Variants in DIP2C observed in about 807,000 individuals in gnomAD.
The protein encoded by DIP2C is DIP2 acetate--CoA ligase C (putative).
In DIP2C, 33 loss-of-function variants were observed where a neutral mutation model predicts 192.4. That is an observed-to-expected ratio of 0.17 (90% CI 0.13 to 0.23). The LOEUF (loss-of-function observed/expected upper bound fraction) is 0.23, where lower values mean the gene tolerates loss of function less well. Among genes scored for constraint, DIP2C ranks in the 10% least tolerant of loss-of-function variants. The probability of loss-of-function intolerance (pLI) is 1.00; values close to 1 mark genes in which losing one functional copy is unlikely to be tolerated. For missense variants in DIP2C, 1,537 were observed against 2,110.1 expected (o/e 0.73, Z 5.32); for synonymous variants, 979 against 864.1 (o/e 1.13, Z -2.33).
chr10:615,857 C>T (rs978612344), intron 1 of DIP2C, among the ~76,000 whole-genome samples: 1 of 152,142 alleles, frequency 6.6e-6, no homozygotes, highest in Non-Finnish European at 1.5e-5. Context: ...CTTTAGGAAA[C>T]GACACGCAGC....
At chr10:580,456 T>G (rs915822646) in intron 1 of DIP2C, among the ~76,000 whole-genome samples, 1 of 152,218 alleles carries the variant, frequency 6.6e-6, no homozygotes, top group African/African-American at 2.4e-5. Context: ...CATGCATGTA[T>G]GTACACATAT....
intron 3 of DIP2C, among the ~76,000 whole-genome samples, chr10:447,363 A>G (rs1284349834): frequency 2.2e-5 from 3 of 134,972 alleles, no homozygotes; most frequent in East Asian, 2.2e-4. Flanking sequence ...AGCAGGACCC[A>G]CTCACCCCTG....
rs114625046 is a variant in DIP2C, at chr10:320,559, C to T, written c.3924+6447G>A. Among the ~76,000 whole-genome samples, 1,457 of 151,346 alleles carry T rather than the reference C, an allele frequency of 9.6e-3. 21 individuals are homozygous for T. The highest frequency in any genetic ancestry group is 0.033 in the African/African-American group (1,370 of 41,154). ...CAGTACTTTGACAAAATGTATCCAA[C>T]ATCCAGAAGTGACTGTGATGATGTG... On this transcript the variant is annotated intron_variant, in intron 31 of 36. Coordinates refer to ENST00000280886, the MANE Select transcript of DIP2C (RefSeq NM_014974.3).
intron 2 of DIP2C, among the ~76,000 whole-genome samples, chr10:477,739 G>A (rs1396044881): frequency 8.4e-6 from 1 of 119,200 alleles, no homozygotes; most frequent in Non-Finnish European, 1.8e-5. Context: ...AGGAAAGAAA[G>A]AACGAGAAAG....
chr10:618,543 G>A, intron 1 of DIP2C, among the ~76,000 whole-genome samples: 1 of 152,188 alleles, frequency 6.6e-6, no homozygotes, highest in South Asian at 2.1e-4. Flanking sequence ...GTCCACGCCA[G>A]GTGACGGTGG....
intron 1 of DIP2C, among the ~76,000 whole-genome samples, chr10:496,643 C>T (rs896039033): frequency 4.6e-5 from 7 of 151,632 alleles, no homozygotes; most frequent in Non-Finnish European, 1.0e-4. Context: ...GCTGAGTGCA[C>T]AGAACCCACA....
intron 1 of DIP2C, among the ~76,000 whole-genome samples, chr10:577,304 C>T (rs991066988): frequency 6.6e-6 from 1 of 152,070 alleles, no homozygotes; most frequent in African/African-American, 2.4e-5. Context: ...TAGCGATTAG[C>T]AAAAATTTAG....
intron 36 of DIP2C, among the ~76,000 whole-genome samples, chr10:278,191 G>A (rs1206824172): frequency 1.3e-5 from 2 of 151,356 alleles, no homozygotes; most frequent in South Asian, 2.1e-4. Context: ...GACGCCTAGG[G>A]CATGGGTGCC....
At chr10:596,630 A>G (rs1390163046) in intron 1 of DIP2C, among the ~76,000 whole-genome samples, 1 of 152,020 alleles carries the variant, frequency 6.6e-6, no homozygotes, top group Non-Finnish European at 1.5e-5. Context: ...GGTGAATAGG[A>G]CACAGTTCCT....
At chr10:672,768 T>C (rs1360236768) in intron 1 of DIP2C, among the ~76,000 whole-genome samples, 4 of 152,342 alleles carry the variant, frequency 2.6e-5, no homozygotes, top group Non-Finnish European at 2.9e-5. Flanking sequence ...AAGAATTTAA[T>C]AGTGCCGTCT....
intron 1 of DIP2C, among the ~76,000 whole-genome samples, chr10:536,273 A>G: frequency 6.6e-6 from 1 of 152,144 alleles, no homozygotes; most frequent in East Asian, 1.9e-4. Flanking sequence ...TTTCCTCTCC[A>G]AGGACACCAG....
At chr10:308,920 T>TC (rs993025521) in intron 32 of DIP2C, among the ~76,000 whole-genome samples, 55 of 152,198 alleles carry the variant, frequency 3.6e-4, no homozygotes, top group African/African-American at 1.3e-3. Context: ...ACCCCTGGTC[T>TC]CCCCCCACCA....
intron 13 of DIP2C, among the ~76,000 whole-genome samples, chr10:388,114 TTTC>T (rs553263380): frequency 9.4e-4 from 143 of 152,134 alleles, no homozygotes; most frequent in African/African-American, 3.3e-3. Context: ...CTTTAAAAGA[TTTC>T]TTTTCACTTC....
In DIP2C at chr10:667,869, TCA is replaced by T. The variant is rs1277583982; in HGVS notation, c.85+21623_85+21624del. On this transcript the variant is annotated intron_variant, in intron 1 of 36. Transcript: ENST00000280886. Reference sequence around the variant, plus strand: ...ACAACACATACAACATACATGCAACTCACAACATACACATACAACACACTCAT... The same window carrying T: ...ACAACACATACAACATACATGCAACTCAACATACACATACAACACACTCAT... 11 of 150,486 alleles carry T rather than the reference TCA, an allele frequency of 7.3e-5. No homozygotes were observed. The East Asian group carries it at 9.9e-4, about 13-fold the overall frequency. 9.3% of individuals were successfully genotyped at this position (150,486 alleles called of 1,614,324 possible).
rs139292147 is a variant in DIP2C at position 568,081 on chromosome 10, G to T, written c.86-81551C>A. Reference sequence around the variant, plus strand: ...TTCTCTGCACTAATGCCACAGCTGCGTGAGCTGTCACAGCCCTGGAGCTCC... The same window carrying T: ...TTCTCTGCACTAATGCCACAGCTGCTTGAGCTGTCACAGCCCTGGAGCTCC... On this transcript the variant is annotated intron_variant, in intron 1 of 36. Coordinates refer to ENST00000280886, the MANE Select transcript of DIP2C (RefSeq NM_014974.3). 6.6e-5 allele frequency among the ~76,000 whole-genome samples: 10 copies of T among 152,298 alleles called. No individual in the cohort carries two copies. In the East Asian group the frequency reaches 1.9e-3, roughly 29 times the overall value.
intron 3 of DIP2C, among the ~76,000 whole-genome samples, chr10:467,809 GGA>G (rs1193281687): frequency 4.6e-5 from 7 of 152,130 alleles, no homozygotes; most frequent in Non-Finnish European, 8.8e-5. Context: ...GTTGGGTGCT[GGA>G]GGACTACAGG....
chr10:498,644 G>A (rs546191609), intron 1 of DIP2C, among the ~76,000 whole-genome samples: 1 of 152,256 alleles, frequency 6.6e-6, no homozygotes, highest in South Asian at 2.1e-4. Context: ...CCTTCCCAGA[G>A]AATATAATTT....
intron 13 of DIP2C, among the ~76,000 whole-genome samples, chr10:388,490 A>G (rs1454740068): frequency 6.6e-6 from 1 of 152,218 alleles, no homozygotes; most frequent in Non-Finnish European, 1.5e-5. Flanking sequence ...AGTGTGGAGG[A>G]TAATAGACAG....
At chr10:550,430 G>A (rs780841727) in intron 1 of DIP2C, among the ~76,000 whole-genome samples, 4 of 152,164 alleles carry the variant, frequency 2.6e-5, no homozygotes, top group Non-Finnish European at 4.4e-5. Context: ...GTAGAGAGAC[G>A]CTGCAGTTCC....
Sources: gnomAD v4.1 joint callset for allele counts (sites outside exome capture counted in the v4.1 genomes callset) on GRCh38, gnomAD v4.1.1 for gene constraint, MANE v1.5 for transcripts, NCBI Gene and HGNC (gene_info 2026-07-23, HGNC 2026-07-21) for gene names.